The following CCSER1 variants were observed in gnomAD, a reference collection of about 807,000 sequenced individuals.
CCSER1 encodes the protein coiled-coil serine rich protein 1.
Under a neutral mutation model 82.0 loss-of-function variants are expected in CCSER1, and 41 were observed. The observed-to-expected ratio is 0.50, with a 90% confidence interval of 0.39 to 0.65. The LOEUF (loss-of-function observed/expected upper bound fraction) is 0.65, where lower values mean the gene tolerates loss of function less well. CCSER1 is among the 30% of genes least tolerant of loss of function. CCSER1 has a pLI of 0.00. For missense variants in CCSER1, 1,119 were observed against 1,064.2 expected (o/e 1.05, Z -0.72); for synonymous variants, 414 against 383.9 (o/e 1.08, Z -0.92).
rs190452274 is a variant in CCSER1, at chr4:90,492,013, C to T, written c.1724+23659C>T. On this transcript the variant is annotated intron_variant, in intron 5 of 10. Coordinates refer to ENST00000509176, the MANE Select transcript of CCSER1 (RefSeq NM_001145065.2). ...TGTGTCTCTGCCAGGCTTTGGTATC[C>T]GGATGATGCTGGCCTCATAAAATGA... Among the ~76,000 whole-genome samples, 18 of 152,112 alleles carry T rather than the reference C, an allele frequency of 1.2e-4. 1 individual carries two copies. The South Asian group carries it at 1.2e-3, about 11-fold the overall frequency.
intron 6 of CCSER1, among the ~76,000 whole-genome samples, chr4:90,652,234 T>G (rs989519481): frequency 1.3e-5 from 2 of 152,250 alleles, no homozygotes; most frequent in Middle Eastern, 3.4e-3. Flanking sequence ...TAAAAACACT[T>G]AGGAATATAA....
intron 7 of CCSER1, among the ~76,000 whole-genome samples, chr4:90,731,692 TA>T (rs1277193922): frequency 6.6e-6 from 1 of 152,192 alleles, no homozygotes; most frequent in Non-Finnish European, 1.5e-5. Flanking sequence ...CTAATGGGAA[TA>T]AATTTTAAGA....
At chr4:91,453,062 T>C (rs1436077730) in intron 10 of CCSER1, among the ~76,000 whole-genome samples, 1 of 152,090 alleles carries the variant, frequency 6.6e-6, no homozygotes, top group Non-Finnish European at 1.5e-5. Flanking sequence ...GGGTTTCAAA[T>C]TGTCTAATTT....
At chr4:91,430,597 T>G (rs1754240347) in intron 10 of CCSER1, among the ~76,000 whole-genome samples, 2 of 152,232 alleles carry the variant, frequency 1.3e-5, no homozygotes, top group Non-Finnish European at 2.9e-5. Context: ...AGTTCTCAAT[T>G]GACTTACCTT....
At chr4:91,027,727 T>G (rs1034016290) in intron 9 of CCSER1, among the ~76,000 whole-genome samples, 2 of 152,062 alleles carry the variant, frequency 1.3e-5, no homozygotes, top group South Asian at 2.1e-4. Context: ...CTAATTTTAG[T>G]GAGGCATATT....
intron 1 of CCSER1, among the ~76,000 whole-genome samples, chr4:90,146,768 A>G (rs1159663528): frequency 5.9e-5 from 9 of 152,180 alleles, no homozygotes; most frequent in African/African-American, 2.2e-4. Flanking sequence ...AAGATGATCA[A>G]TTTTCCTTAA....
At chr4:90,466,961 A>G (rs1277258149) in intron 4 of CCSER1, among the ~76,000 whole-genome samples, 1 of 152,264 alleles carries the variant, frequency 6.6e-6, no homozygotes, top group Admixed American at 6.5e-5. Flanking sequence ...TGTGTTCATT[A>G]TTAACGAAAT....
chr4:91,594,480 C>CAT (rs1028618450), intron 10 of CCSER1, among the ~76,000 whole-genome samples: 3 of 147,942 alleles, frequency 2.0e-5, no homozygotes, highest in South Asian at 2.1e-4. Context: ...CATATATATA[C>CAT]ATATATATAT....
At chr4:90,469,568 T>G (rs193076673) in intron 5 of CCSER1, among the ~76,000 whole-genome samples, 1 of 112,476 alleles carries the variant, frequency 8.9e-6, no homozygotes, top group East Asian at 3.9e-4. Flanking sequence ...CACACACACA[T>G]TTCCTTATCT....
intron 10 of CCSER1, among the ~76,000 whole-genome samples, chr4:91,381,473 T>C (rs917676399): frequency 1.3e-5 from 2 of 151,758 alleles, no homozygotes; most frequent in Non-Finnish European, 2.9e-5. Context: ...TGTAAACTTT[T>C]CTCACTTCAT....
At chr4:90,352,905 C>T (rs1331131351) in intron 3 of CCSER1, among the ~76,000 whole-genome samples, 2 of 152,102 alleles carry the variant, frequency 1.3e-5, no homozygotes, top group Non-Finnish European at 2.9e-5. Context: ...CTCCCCAGAG[C>T]CATTTTTGAT....
intron 5 of CCSER1, among the ~76,000 whole-genome samples, chr4:90,615,929 A>G (rs1431963486): frequency 2.6e-5 from 4 of 152,108 alleles, no homozygotes; most frequent in Admixed American, 6.6e-5. Context: ...TTGTTGCCCT[A>G]TTTCAGGAAA....
At chr4:91,486,407 T>C (rs534706815) in intron 10 of CCSER1, among the ~76,000 whole-genome samples, 42 of 152,140 alleles carry the variant, frequency 2.8e-4, no homozygotes, top group African/African-American at 9.1e-4. Flanking sequence ...TTACAATGCC[T>C]TTTAAAACTT....
intron 1 of CCSER1, among the ~76,000 whole-genome samples, chr4:90,180,207 T>A (rs1733476415): frequency 6.6e-6 from 1 of 151,776 alleles, no homozygotes; most frequent in South Asian, 2.1e-4. Flanking sequence ...TTTAGGCATT[T>A]TTTAAGACTT....
At chr4:90,411,198 A>C (rs1754718802) in intron 4 of CCSER1, among the ~76,000 whole-genome samples, 1 of 152,148 alleles carries the variant, frequency 6.6e-6, no homozygotes, top group South Asian at 2.1e-4. Flanking sequence ...CAGAGGTACA[A>C]GGAGGAGCTG....
chr4:90,957,442 G>A (rs1421306264), intron 9 of CCSER1, among the ~76,000 whole-genome samples: 1 of 140,752 alleles, frequency 7.1e-6, no homozygotes, highest in Non-Finnish European at 1.5e-5. Context: ...AAAACGAACA[G>A]CAATTTCATG....
chr4:90,405,991 A>T (rs1365687676), intron 4 of CCSER1, among the ~76,000 whole-genome samples: 2 of 152,210 alleles, frequency 1.3e-5, no homozygotes, highest in African/African-American at 4.8e-5. Context: ...AGCATGATGA[A>T]TAGAATAGTA....
In CCSER1 at chr4:90,554,635, C is replaced by T. The variant is rs189778313; in HGVS notation, c.1725-73390C>T. On this transcript the variant is annotated intron_variant, in intron 5 of 10. Coordinates refer to ENST00000509176, the MANE Select transcript of CCSER1 (RefSeq NM_001145065.2). ...TACCAGCCAGCTAAATGCAATCCCC[C>T]AAGGACAGGAGCTAAAGTATAACGG... is the stretch of plus-strand genomic sequence containing the variant. Among the ~76,000 whole-genome samples the T allele has an allele frequency of 2.0e-3, 299 of 152,230 alleles. 3 individuals carry two copies. Among genetic ancestry groups the T allele is most frequent in the Admixed American group, 6.4e-3 (98 of 15,298 alleles).
At chr4:91,311,524 A>G (rs753274798) in intron 10 of CCSER1, among the ~76,000 whole-genome samples, 7 of 151,968 alleles carry the variant, frequency 4.6e-5, no homozygotes, top group Non-Finnish European at 8.8e-5. Context: ...TTCATTGAAC[A>G]TGCCTATTAT....
Sources: allele counts gnomAD v4.1 joint callset (sites outside exome capture counted in the v4.1 genomes callset), GRCh38; gene constraint gnomAD v4.1.1; transcripts MANE v1.5; gene names NCBI Gene and HGNC (gene_info 2026-07-23, HGNC 2026-07-21).